Variants in USP30 observed in about 807,000 individuals in gnomAD.
USP30 encodes ubiquitin carboxyl-terminal hydrolase 30.
In USP30, 41 loss-of-function variants were observed where a neutral mutation model predicts 68.2. That is an observed-to-expected ratio of 0.60 (90% CI 0.47 to 0.78). USP30 has a LOEUF of 0.78. USP30 is among the 30% of genes least tolerant of loss of function. The pLI, the probability that USP30 is intolerant of heterozygous loss-of-function variation, is 0.00. For missense variants in USP30, 522 were observed against 649.4 expected (o/e 0.80, Z 2.13); for synonymous variants, 229 against 253.7 (o/e 0.90, Z 0.93).
At chr12:109,027,251 C>T (rs770708835) in intron 2 of USP30, among the ~76,000 whole-genome samples, 1 of 152,132 alleles carries the variant, frequency 6.6e-6, no homozygotes, top group Non-Finnish European at 1.5e-5. Flanking sequence ...CTCCTCCCAG[C>T]CTCTGGTAAC....
intron 7 of USP30, among the ~76,000 whole-genome samples, chr12:109,080,973 A>G (rs1035176282): frequency 6.6e-6 from 1 of 152,232 alleles, no homozygotes; most frequent in African/African-American, 2.4e-5. Flanking sequence ...CATTTCTCAG[A>G]CTGTATCCCC....
chr12:109,035,686 G>A (rs1329273968), intron 3 of USP30, among the ~76,000 whole-genome samples: 1 of 152,082 alleles, frequency 6.6e-6, no homozygotes, highest in Non-Finnish European at 1.5e-5. Flanking sequence ...TAACAATCTA[G>A]TTTGGATTAA....
intron 4 of USP30, 130 bp from the exon 5 acceptor site, chr12:109,071,482 A>G (rs2041439798): frequency 1.5e-6 from 1 of 674,654 alleles, no homozygotes; most frequent in Non-Finnish European, 2.6e-6. Flanking sequence ...TTCTTTAATG[A>G]GCTGGGCCTT....
At chr12:109,085,128 A>C in intron 12 of USP30, 55 bp downstream of exon 12, 1 of 1,368,186 alleles carries the variant, frequency 7.3e-7, no homozygotes, top group Non-Finnish European at 9.5e-7. Flanking sequence ...TTAGCTTCTA[A>C]AATTAGCTTT....
chr12:109,079,873 G>A (rs545473389), intron 7 of USP30, among the ~76,000 whole-genome samples: 9 of 152,100 alleles, frequency 5.9e-5, no homozygotes, highest in Non-Finnish European at 1.0e-4. Flanking sequence ...GTCCTCGTGT[G>A]CTGACTTCTT....
At chr12:109,051,716 C>G (rs138788110), upstream of USP30, among the ~76,000 whole-genome samples, 15,332 of 151,434 alleles carry the variant, frequency 0.1, 1,308 homozygotes, top group Admixed American at 0.28. Flanking sequence ...ATTACAGGAG[C>G]CTGCCACCAC....
chr12:109,053,449 A>G (rs1216498414), intron 1 of USP30, among the ~76,000 whole-genome samples: 1 of 151,966 alleles, frequency 6.6e-6, no homozygotes. Context: ...TGGGTCCCCA[A>G]TCCTGTCAGG....
At chr12:109,025,211 T>A (rs2040435583) in intron 2 of USP30, 1 of 152,148 alleles carries the variant, frequency 6.6e-6, no homozygotes, top group Admixed American at 6.5e-5. Context: ...TGGCCCAGCA[T>A]CCCAGGGTTT....
chr12:109,073,665 C>CCTG, intron 7 of USP30, 133 bp downstream of exon 7: 1 of 716,530 alleles, frequency 1.4e-6, no homozygotes, highest in South Asian at 1.8e-5. Flanking sequence ...CACTAGTGGA[C>CCTG]TGACTACCCC....
upstream of USP30, among the ~76,000 whole-genome samples, chr12:109,049,533 G>C (rs1423271450): frequency 6.6e-6 from 1 of 152,142 alleles, no homozygotes; most frequent in East Asian, 1.9e-4. Flanking sequence ...AAAACTTTGG[G>C]ACCAGGCACG....
At chr12:109,049,581 A>G (rs2040640059), upstream of USP30, among the ~76,000 whole-genome samples, 1 of 151,998 alleles carries the variant, frequency 6.6e-6, no homozygotes. Flanking sequence ...TTGGGAGGCC[A>G]GGGCAAGCAT....
At chr12:109,041,316 A>G (rs1021905353) in intron 3 of USP30, among the ~76,000 whole-genome samples, 3 of 152,192 alleles carry the variant, frequency 2.0e-5, no homozygotes, top group African/African-American at 7.2e-5. Flanking sequence ...CAAGTTCCTG[A>G]AAGCTTGCTG....
At chr12:109,026,401 A>T (rs1434063339) in intron 2 of USP30, among the ~76,000 whole-genome samples, 1 of 151,858 alleles carries the variant, frequency 6.6e-6, no homozygotes, top group Non-Finnish European at 1.5e-5. Context: ...TGTGGTAAAT[A>T]CATATGTCTT....
In USP30 at chr12:109,081,346, T is replaced by C; in HGVS notation, c.733T>C (p.Phe245Leu). 6.2e-7 allele frequency: 1 copy of C among 1,614,182 alleles called. No homozygotes were observed. The highest frequency in any genetic ancestry group is 8.5e-7 in the Non-Finnish European group (1 of 1,180,032). Residue 245 changes from phenylalanine to leucine, a missense_variant, in exon 8 of 13, where the codon TTT becomes CTT. Transcript: ENST00000257548. ...KHCEHQSPVR[F>L]DTFDSLSLSI... ...ATATTTCTTTCAGAGTCCTGTTCGA[T>C]TTGATACCTTTGATAGCCTTTCACT...
At chr12:109,048,078 CT>C (rs571441531), upstream of USP30, among the ~76,000 whole-genome samples, 3,404 of 134,274 alleles carry the variant, frequency 0.025, 51 homozygotes, top group Non-Finnish European at 0.033. Flanking sequence ...AGAATGCCTA[CT>C]TTTTTTTTTT....
intron 7 of USP30, among the ~76,000 whole-genome samples, chr12:109,079,333 CTTTTTCTTTTTTTTTTTCTTTTTTTT>C (rs1566103545): frequency 0.01 from 352 of 34,594 alleles, 2 homozygotes; most frequent in African/African-American, 0.033. Flanking sequence ...TTTTTCTTTT[CTTTTTCTTTTTTTTTTTCTTTTTTTT>C]TTTTTTTTTT....
intron 3 of USP30, chr12:109,060,145 G>T (rs1471311072): frequency 6.6e-6 from 1 of 152,008 alleles, no homozygotes; most frequent in Non-Finnish European, 1.5e-5. Context: ...TTTGGGTGAG[G>T]GCATAGGCTG....
chr12:109,053,640 C>G, intron 1 of USP30: 1 of 177,234 alleles, frequency 5.6e-6, no homozygotes, highest in South Asian at 1.1e-4. Flanking sequence ...CTTATCCTGT[C>G]CAGTGCCCCC....
At chr12:109,052,368 A>G (rs2040687730), upstream of USP30, 3 of 248,956 alleles carry the variant, frequency 1.2e-5, no homozygotes, top group African/African-American at 2.2e-5. Context: ...GAAGTGTGCC[A>G]TCTGTATTTA....
Sources: gnomAD v4.1 joint callset for allele counts (sites outside exome capture counted in the v4.1 genomes callset) on GRCh38, gnomAD v4.1.1 for gene constraint, MANE v1.5 for transcripts, NCBI Gene and HGNC (gene_info 2026-07-23, HGNC 2026-07-21) for gene names.